The following HS3ST5 variants were observed in gnomAD, a reference collection of about 807,000 sequenced individuals.
HS3ST5 encodes heparan sulfate-glucosamine 3-sulfotransferase 5, also known as heparan sulfate glucosamine 3-O-sulfotransferase 5.
Under a neutral mutation model 25.4 loss-of-function variants are expected in HS3ST5, and 10 were observed. The observed-to-expected ratio is 0.39, with a 90% CI of 0.24 to 0.67. The LOEUF is 0.67. HS3ST5 is among the 30% of genes least tolerant of loss of function. The pLI, the probability that HS3ST5 is intolerant of heterozygous loss-of-function variation, is 0.44. For synonymous variants in HS3ST5, 170 were observed against 162.4 expected (o/e 1.05, Z -0.36); for missense variants, 324 against 420.7 (o/e 0.77, Z 2.01).
At chr6:114,199,340 A>G (rs903949852) in intron 2 of HS3ST5, among the ~76,000 whole-genome samples, 1 of 152,194 alleles carries the variant, frequency 6.6e-6, no homozygotes, top group Admixed American at 6.5e-5. Flanking sequence ...TTCTGGAATT[A>G]GGTCCCTGTT....
At chr6:114,300,373 T>C (rs1028318700) in intron 1 of HS3ST5, among the ~76,000 whole-genome samples, 2 of 152,162 alleles carry the variant, frequency 1.3e-5, no homozygotes, top group South Asian at 2.1e-4. Context: ...AAAGAAGATA[T>C]TCAAATGGTC....
At chr6:114,161,501 GA>G (rs1778944289) in intron 3 of HS3ST5, among the ~76,000 whole-genome samples, 1 of 107,102 alleles carries the variant, frequency 9.3e-6, no homozygotes, top group Non-Finnish European at 1.8e-5. Context: ...ATTCTAAAAC[GA>G]CAGTTGCTTC....
intron 1 of HS3ST5, among the ~76,000 whole-genome samples, chr6:114,324,372 A>G (rs938208968): frequency 2.6e-5 from 4 of 152,224 alleles, no homozygotes; most frequent in Non-Finnish European, 5.9e-5. Context: ...GTTTCAGCTC[A>G]TCACTTTTCT....
At chr6:114,064,480 A>T (rs1773332060) in intron 3 of HS3ST5, among the ~76,000 whole-genome samples, 1 of 152,156 alleles carries the variant, frequency 6.6e-6, no homozygotes, top group African/African-American at 2.4e-5. Flanking sequence ...GCATGGTAAA[A>T]TTTTTTTGTG....
intron 3 of HS3ST5, among the ~76,000 whole-genome samples, chr6:114,088,486 T>TC (rs1774959924): frequency 6.6e-6 from 1 of 151,980 alleles, no homozygotes. Flanking sequence ...CCTCCTCTGA[T>TC]CCCACTAATG....
intron 1 of HS3ST5, among the ~76,000 whole-genome samples, chr6:114,329,253 G>T (rs1174554503): frequency 6.6e-6 from 1 of 152,108 alleles, no homozygotes; most frequent in Non-Finnish European, 1.5e-5. Flanking sequence ...ATTCAACCAG[G>T]TTTTCTCTGG....
chr6:114,104,908 C>T (rs550695210), intron 3 of HS3ST5, among the ~76,000 whole-genome samples: 12 of 152,214 alleles, frequency 7.9e-5, no homozygotes, highest in African/African-American at 2.9e-4. Context: ...AAGCAGGTAC[C>T]TGTGCTCTGG....
Position 114,324,872 on chromosome 6 carries a change from G to T in HS3ST5, c.-339+17323C>A, listed in dbSNP as rs1328640215. Among the ~76,000 whole-genome samples the T allele has an allele frequency of 2.0e-5, 3 of 152,218 alleles. No homozygotes were observed. The East Asian group carries it at 5.8e-4, about 29-fold the overall frequency. ...TCTAGTGATTCCAATTGCGGATAAC[G>T]TGTCTCACTCCACTTAAGGGATATT... On this transcript the variant is annotated intron_variant, in intron 1 of 4. Coordinates refer to ENST00000312719, the MANE Select transcript of HS3ST5 (RefSeq NM_153612.4).
At chr6:114,097,579 T>C (rs945735948) in intron 3 of HS3ST5, among the ~76,000 whole-genome samples, 19 of 152,112 alleles carry the variant, frequency 1.2e-4, no homozygotes, top group African/African-American at 4.6e-4. Flanking sequence ...TGTCAAATGT[T>C]GTGGCATAAA....
intron 2 of HS3ST5, among the ~76,000 whole-genome samples, chr6:114,215,877 C>T (rs1324640041): frequency 6.6e-6 from 1 of 152,180 alleles, no homozygotes; most frequent in Non-Finnish European, 1.5e-5. Flanking sequence ...GCTGATGAGT[C>T]CACTCATCTT....
At chr6:114,322,777 C>T (rs912192057) in intron 1 of HS3ST5, among the ~76,000 whole-genome samples, 1 of 152,086 alleles carries the variant, frequency 6.6e-6, no homozygotes, top group East Asian at 1.9e-4. Context: ...TATATTACTG[C>T]GATATGGCAA....
rs573962890 is a variant in HS3ST5 at position 114,256,365 on chromosome 6, A to G, written c.-338-27587T>C. Among the ~76,000 whole-genome samples, 440 of 150,982 alleles carry G rather than the reference A, an allele frequency of 2.9e-3. 1 individual carries two copies. The highest frequency in any genetic ancestry group is 0.01 in the African/African-American group (426 of 41,142). ...ATTGCGCCACTGCACTCCAGCCTGG[A>G]GGACAGAGCAAGACTCCCTCTCAAA... On this transcript the variant is annotated intron_variant, in intron 1 of 4. Transcript: ENST00000312719.
At chr6:114,329,000 CT>C (rs1258573663) in intron 1 of HS3ST5, among the ~76,000 whole-genome samples, 4 of 152,190 alleles carry the variant, frequency 2.6e-5, no homozygotes, top group African/African-American at 9.6e-5. Context: ...ACTGTCGCCC[CT>C]CTTTGTAATG....
intron 3 of HS3ST5, chr6:114,132,396 A>G (rs1459074187): frequency 1.3e-5 from 2 of 152,274 alleles, no homozygotes; most frequent in African/African-American, 4.8e-5. Context: ...ATCACGCCAT[A>G]TAAATGTTGG....
intron 1 of HS3ST5, among the ~76,000 whole-genome samples, chr6:114,328,321 C>A (rs1285968399): frequency 1.3e-5 from 2 of 151,968 alleles, no homozygotes; most frequent in African/African-American, 4.8e-5. Context: ...TACTTATTTA[C>A]AGGGATTAAT....
rs116764127 is a variant in HS3ST5 at position 114,204,912 on chromosome 6, A to T, written c.-145+23673T>A. Reference sequence around the variant, plus strand: ...TGGGACCAAATTCTACCAGCTCTTGATAAGTACACAACATGCCTGGTAGAA... The same window carrying T: ...TGGGACCAAATTCTACCAGCTCTTGTTAAGTACACAACATGCCTGGTAGAA... On this transcript the variant is annotated intron_variant, in intron 2 of 4. Transcript: ENST00000312719. 4.6e-3 allele frequency among the ~76,000 whole-genome samples: 704 copies of T among 152,294 alleles called. 2 individuals carry two copies. The highest frequency in any genetic ancestry group is 0.016 in the African/African-American group (672 of 41,560).
chr6:114,073,692 G>A (rs538763761), intron 3 of HS3ST5, among the ~76,000 whole-genome samples: 24 of 152,302 alleles, frequency 1.6e-4, no homozygotes, highest in Non-Finnish European at 3.2e-4. Context: ...CTGTTGATGG[G>A]AGTGTAAACT....
At position 114,190,783 on chromosome 6, in the gene HS3ST5, A is replaced by G. The variant is rs141729004; in HGVS notation, c.-144-22321T>C. 2.0e-5 allele frequency among the ~76,000 whole-genome samples: 3 copies of G among 152,298 alleles called. No homozygotes were observed. In the East Asian group the frequency reaches 5.8e-4, roughly 29 times the overall value. On this transcript the variant is annotated intron_variant, in intron 2 of 4. Coordinates refer to ENST00000312719, the MANE Select transcript of HS3ST5 (RefSeq NM_153612.4). ...TATCTTAACATAAAGCTCTGCATGG[A>G]GTTCTTGGTCTTTTAGAACTTCGCT...
At chr6:114,104,934 TGC>T (rs2114832037) in intron 3 of HS3ST5, among the ~76,000 whole-genome samples, 1 of 152,226 alleles carries the variant, frequency 6.6e-6, no homozygotes, top group East Asian at 1.9e-4. Context: ...CAGTCATCTT[TGC>T]GGTTTACAAG....
Sources: allele counts gnomAD v4.1 joint callset (sites outside exome capture counted in the v4.1 genomes callset), GRCh38; gene constraint gnomAD v4.1.1; transcripts MANE v1.5; gene names NCBI Gene and HGNC (gene_info 2026-07-23, HGNC 2026-07-21).